Variants in ARHGEF26 observed in about 807,000 individuals in gnomAD.
ARHGEF26 encodes Rho guanine nucleotide exchange factor 26, also known as Rho guanine nucleotide exchange factor (GEF) 26.
ARHGEF26 carries 59 observed loss-of-function variants against 89.4 expected under a neutral mutation model. That is an observed-to-expected ratio of 0.66 (90% confidence interval 0.54 to 0.82). The LOEUF (loss-of-function observed/expected upper bound fraction) is 0.82. ARHGEF26 is among the 40% of genes least tolerant of loss of function. The probability of loss-of-function intolerance (pLI) is 0.00; values close to 1 mark genes in which losing one functional copy is unlikely to be tolerated. For missense variants in ARHGEF26, 1,234 were observed against 1,085.6 expected (o/e 1.14, Z -1.92); for synonymous variants, 500 against 428.4 (o/e 1.17, Z -2.06).
chr3:154,239,266 GAGA>G (rs1717317633), intron 11 of ARHGEF26, among the ~76,000 whole-genome samples: 3 of 102,566 alleles, frequency 2.9e-5, no homozygotes, highest in African/African-American at 1.2e-4. Flanking sequence ...GAGAGGGAGA[GAGA>G]GAGAGAGAGA....
At chr3:154,191,503 A>G in intron 8 of ARHGEF26, 85 bp downstream of exon 8, 1 of 1,464,136 alleles carries the variant, frequency 6.8e-7, no homozygotes, top group Non-Finnish European at 9.1e-7. Flanking sequence ...TTCCACTTAA[A>G]TTGATGCATA....
chr3:154,180,277 A>G (rs1033440033), intron 6 of ARHGEF26, among the ~76,000 whole-genome samples: 1 of 152,156 alleles, frequency 6.6e-6, no homozygotes, highest in African/African-American at 2.4e-5. Context: ...TTTTGAGATG[A>G]TGGACATTAA....
intron 9 of ARHGEF26, among the ~76,000 whole-genome samples, chr3:154,194,999 A>C (rs1027822420): frequency 6.6e-6 from 1 of 152,202 alleles, no homozygotes; most frequent in African/African-American, 2.4e-5. Flanking sequence ...ATGTTTATTG[A>C]GTATCAACCA....
chr3:154,176,691 G>C (rs1053039179), intron 6 of ARHGEF26, among the ~76,000 whole-genome samples: 5 of 152,194 alleles, frequency 3.3e-5, no homozygotes, highest in African/African-American at 1.2e-4. Context: ...TTAGAAGCCA[G>C]TAGTTAGAAA....
intron 1 of ARHGEF26, among the ~76,000 whole-genome samples, chr3:154,121,738 A>T (rs1429367012): frequency 2.0e-5 from 3 of 152,106 alleles, no homozygotes; most frequent in African/African-American, 7.2e-5. Flanking sequence ...AGGTGATTGG[A>T]TTAATCCGCC....
intron 5 of ARHGEF26, among the ~76,000 whole-genome samples, chr3:154,152,334 A>G (rs1212127016): frequency 6.6e-6 from 1 of 152,148 alleles, no homozygotes; most frequent in Admixed American, 6.6e-5. Context: ...AAGGTGTGAG[A>G]AATTTTCTCT....
At chr3:154,226,147 T>C in intron 11 of ARHGEF26, 137 bp downstream of exon 11, 1 of 732,952 alleles carries the variant, frequency 1.4e-6, no homozygotes, top group Non-Finnish European at 2.1e-6. Flanking sequence ...CATAATTGCA[T>C]CTATGGTTCA....
chr3:154,145,470 G>C (rs1173991506), intron 4 of ARHGEF26, among the ~76,000 whole-genome samples: 1 of 152,130 alleles, frequency 6.6e-6, no homozygotes, highest in African/African-American at 2.4e-5. Flanking sequence ...AGCTCAGATG[G>C]GTGTTCAGTA....
At chr3:154,125,030 T>C (rs1015684460) in intron 3 of ARHGEF26, among the ~76,000 whole-genome samples, 1 of 150,172 alleles carries the variant, frequency 6.7e-6, no homozygotes, top group African/African-American at 2.4e-5. Context: ...ATCAGATTAA[T>C]GGACTTTTTT....
chr3:154,175,627 A>C (rs1712770072), intron 6 of ARHGEF26, among the ~76,000 whole-genome samples: 1 of 152,228 alleles, frequency 6.6e-6, no homozygotes, highest in Admixed American at 6.5e-5. Context: ...CTAATTTACA[A>C]ATTAGAACCT....
chr3:154,220,864 G>GA, intron 10 of ARHGEF26, among the ~76,000 whole-genome samples: 1 of 152,094 alleles, frequency 6.6e-6, no homozygotes, highest in South Asian at 2.1e-4. Flanking sequence ...AAAAGACCAT[G>GA]AAAAAAGTGA....
intron 6 of ARHGEF26, among the ~76,000 whole-genome samples, chr3:154,179,081 G>C (rs950288870): frequency 5.3e-5 from 8 of 152,104 alleles, no homozygotes; most frequent in African/African-American, 1.9e-4. Flanking sequence ...CATTATACAA[G>C]CACTAGATGT....
intron 12 of ARHGEF26, among the ~76,000 whole-genome samples, chr3:154,245,933 A>AGGAAGGGTGACTTTGGAT (rs1435099333): frequency 6.6e-6 from 1 of 152,204 alleles, no homozygotes; most frequent in Non-Finnish European, 1.5e-5. Context: ...TCCTGCTCTT[A>AGGAAGGGTGACTTTGGAT]GGAAGGGTGA....
chr3:154,203,733 TGA>T (rs1714819854), intron 9 of ARHGEF26, among the ~76,000 whole-genome samples: 1 of 152,104 alleles, frequency 6.6e-6, no homozygotes, highest in African/African-American at 2.4e-5. Flanking sequence ...ACAATTGAAA[TGA>T]TCATTTTTTT....
intron 6 of ARHGEF26, among the ~76,000 whole-genome samples, chr3:154,161,362 A>T (rs1711654091): frequency 6.6e-6 from 1 of 152,052 alleles, no homozygotes; most frequent in Admixed American, 6.6e-5. Flanking sequence ...GTTGACTTTA[A>T]ATCTTAAGTT....
intron 4 of ARHGEF26, among the ~76,000 whole-genome samples, chr3:154,132,957 G>A (rs1412737866): frequency 1.3e-5 from 2 of 152,014 alleles, no homozygotes; most frequent in African/African-American, 4.8e-5. Flanking sequence ...GTCTCAGTTC[G>A]GCATATACCT....
intron 12 of ARHGEF26, among the ~76,000 whole-genome samples, chr3:154,244,383 G>A (rs1717671533): frequency 6.6e-6 from 1 of 152,154 alleles, no homozygotes; most frequent in African/African-American, 2.4e-5. Context: ...CTCACCAAAA[G>A]GAGTTGGGGC....
chr3:154,256,607 T>A lies in ARHGEF26; in HGVS notation c.*1134T>A. On this transcript the variant is annotated 3_prime_UTR_variant, in exon 15 of 15. Coordinates refer to ENST00000465093, the MANE Select transcript of ARHGEF26 (RefSeq NM_015595.4). ...CAAATGAGCTGATAAAAAACTGACG[T>A]GAGGCTGCTTTGCCTTCAATAATAC... is the stretch of plus-strand genomic sequence containing the variant. 9.4e-7 allele frequency: 1 copy of A among 1,059,568 alleles called. No individual in the cohort carries two copies. The highest frequency in any genetic ancestry group is 1.1e-6 in the Non-Finnish European group (1 of 883,838). 65.6% of individuals were successfully genotyped at this position (1,059,568 alleles called of 1,614,324 possible).
chr3:154,122,227 A>G lies in ARHGEF26; in HGVS notation c.235A>G (p.Arg79Gly). 1.2e-6 allele frequency: 2 copies of G among 1,609,460 alleles called. No individual in the cohort carries two copies. Among genetic ancestry groups the G allele is most frequent in the Non-Finnish European group, 8.5e-7 (1 of 1,178,288 alleles). ...PTASDSRTVH[R>G]SPLLLGAQRR... The stretch of plus-strand genomic sequence containing the variant: ...CGCCTCGGACAGCAGGACGGTACAT[A>G]GGAGCCCCCTGCTTCTGGGCGCCCA... Residue 79 changes from arginine (R) to glycine (G), a missense_variant, in exon 2 of 15, where the codon AGG (arginine) becomes GGG (glycine). Coordinates refer to ENST00000465093, the MANE Select transcript of ARHGEF26 (RefSeq NM_015595.4).
Sources: gnomAD v4.1 joint callset for allele counts (sites outside exome capture counted in the v4.1 genomes callset) on GRCh38, gnomAD v4.1.1 for gene constraint, MANE v1.5 for transcripts, NCBI Gene and HGNC (gene_info 2026-07-23, HGNC 2026-07-21) for gene names.